Variants in CALN1 observed in about 807,000 individuals in gnomAD.
The protein encoded by CALN1 is calneuron 1.
In CALN1, 17 loss-of-function variants were observed where a neutral mutation model predicts 30.6. The observed-to-expected ratio is 0.56, with a 90% confidence interval of 0.38 to 0.83. CALN1 has a LOEUF of 0.83. Among genes scored for constraint, CALN1 ranks in the 40% least tolerant of loss-of-function variants. The pLI is 0.00. For synonymous variants in CALN1, 156 were observed against 131.4 expected (o/e 1.19, Z -1.28); for missense variants, 291 against 354.9 (o/e 0.82, Z 1.45).
rs371279418 is a variant in CALN1 at position 71,941,311 on chromosome 7, A to C, written c.501+82346T>G. Among the ~76,000 whole-genome samples the C allele has an allele frequency of 6.4e-4, 95 of 149,298 alleles. 1 individual carries two copies. The highest frequency in any genetic ancestry group is 2.2e-3 in the African/African-American group (91 of 40,610). ...GGTTGCAGTGAGCCTGGATCACACC[A>C]CTCCACTCCAGCCTGGGCGACAGAG... On this transcript the variant is annotated intron_variant, in intron 5 of 6. Transcript: ENST00000395275.
intron 5 of CALN1, among the ~76,000 whole-genome samples, chr7:71,918,851 A>T (rs1001719911): frequency 6.6e-6 from 1 of 152,172 alleles, no homozygotes; most frequent in Non-Finnish European, 1.5e-5. Context: ...AGACACTCCC[A>T]GACCTCCTCA....
At chr7:71,877,040 A>G (rs1278385677) in intron 5 of CALN1, among the ~76,000 whole-genome samples, 3 of 152,216 alleles carry the variant, frequency 2.0e-5, no homozygotes. Flanking sequence ...AAAACTGATG[A>G]AACCAGAAAT....
At chr7:71,790,374 AAGAAAGAAAGAAAG>A (rs1316913166) in intron 6 of CALN1, among the ~76,000 whole-genome samples, 8 of 44,874 alleles carry the variant, frequency 1.8e-4, no homozygotes, top group African/African-American at 5.5e-4. Context: ...AAAGAAAAGA[AAGAAAGAAAGAAAG>A]AAAGAAAGAA....
chr7:72,395,183 C>A (rs1366203559), intron 2 of CALN1, among the ~76,000 whole-genome samples: 1 of 152,160 alleles, frequency 6.6e-6, no homozygotes, highest in Admixed American at 6.5e-5. Context: ...ACCTGGCACA[C>A]CAATGGCACT....
intron 2 of CALN1, among the ~76,000 whole-genome samples, chr7:72,325,348 T>C (rs1324983620): frequency 2.6e-5 from 4 of 151,704 alleles, no homozygotes; most frequent in Non-Finnish European, 4.4e-5. Flanking sequence ...TGCCTGTAAT[T>C]CCAGCACTTT....
intron 2 of CALN1, among the ~76,000 whole-genome samples, chr7:72,399,584 G>T (rs2129561931): frequency 6.6e-6 from 1 of 152,128 alleles, no homozygotes; most frequent in African/African-American, 2.4e-5. Context: ...TATTGCTTTT[G>T]TTCCGTAAGT....
intron 2 of CALN1, among the ~76,000 whole-genome samples, chr7:72,401,908 A>AC (rs1267899659): frequency 6.6e-6 from 1 of 151,690 alleles, no homozygotes; most frequent in Non-Finnish European, 1.5e-5. Context: ...AACATGCCCC[A>AC]CCCCCTTTTC....
chr7:72,226,851 T>C (rs1426685137), intron 3 of CALN1, among the ~76,000 whole-genome samples: 1 of 152,074 alleles, frequency 6.6e-6, no homozygotes, highest in Non-Finnish European at 1.5e-5. Context: ...GAGACCAGCC[T>C]GGCCAACATG....
intron 2 of CALN1, among the ~76,000 whole-genome samples, chr7:72,330,220 G>A (rs891656347): frequency 2.6e-4 from 39 of 152,190 alleles, no homozygotes; most frequent in African/African-American, 8.9e-4. Context: ...TTGAACCTCA[G>A]AGGTGGAGGG....
intron 3 of CALN1, among the ~76,000 whole-genome samples, chr7:72,219,755 G>C (rs539574844): frequency 1.3e-5 from 2 of 151,272 alleles, no homozygotes; most frequent in African/African-American, 2.4e-5. Flanking sequence ...CACACACACA[G>C]AGGCAGCAGA....
chr7:72,097,449 G>T (rs2129540369), intron 4 of CALN1, among the ~76,000 whole-genome samples: 1 of 152,254 alleles, frequency 6.6e-6, no homozygotes, highest in East Asian at 1.9e-4. Flanking sequence ...GAGCTAAGGG[G>T]AACACACAGG....
At chr7:72,197,640 G>C (rs570123381) in intron 3 of CALN1, among the ~76,000 whole-genome samples, 12 of 152,142 alleles carry the variant, frequency 7.9e-5, no homozygotes, top group African/African-American at 2.9e-4. Flanking sequence ...GACCAGCCTA[G>C]ACAACAATGT....
chr7:72,125,947 G>A (rs146769834), intron 3 of CALN1, among the ~76,000 whole-genome samples: 1,986 of 151,896 alleles, frequency 0.013, 44 homozygotes, highest in African/African-American at 0.045. Flanking sequence ...TTATAGGCGC[G>A]TGCCACCACG....
At chr7:72,068,070 C>T (rs1485887629) in intron 4 of CALN1, among the ~76,000 whole-genome samples, 3 of 152,120 alleles carry the variant, frequency 2.0e-5, no homozygotes, top group Non-Finnish European at 2.9e-5. Context: ...TTTGTGCCCA[C>T]GTGTTAATGC....
At chr7:72,098,534 T>C (rs767629907) in intron 4 of CALN1, among the ~76,000 whole-genome samples, 1 of 151,878 alleles carries the variant, frequency 6.6e-6, no homozygotes, top group South Asian at 2.1e-4. Context: ...TGAGACTTCA[T>C]CTCTGCAAAG....
intron 2 of CALN1, among the ~76,000 whole-genome samples, chr7:72,290,067 G>A (rs150422349): frequency 0.012 from 1,120 of 94,146 alleles, 23 homozygotes; most frequent in African/African-American, 0.044. Flanking sequence ...AACAGAGAAC[G>A]AGACCCTGTC....
chr7:71,795,072 G>T (rs1786813463), intron 6 of CALN1, among the ~76,000 whole-genome samples: 2 of 147,896 alleles, frequency 1.4e-5, no homozygotes, highest in South Asian at 2.1e-4. Flanking sequence ...TGCCAGGCTG[G>T]AGTGCAGTGG....
chr7:71,941,831 G>A (rs1000025077), intron 5 of CALN1, among the ~76,000 whole-genome samples: 9 of 152,160 alleles, frequency 5.9e-5, no homozygotes, highest in Non-Finnish European at 1.2e-4. Context: ...GGGGCCATGA[G>A]TGAGAATGTT....
Position 72,271,575 on chromosome 7 carries a change from A to AAAATATATATATAT in CALN1, c.244+7110_244+7111insATATATATATATTT. Among the ~76,000 whole-genome samples, 249 of 52,110 alleles carry AAAATATATATATAT rather than the reference A, an allele frequency of 4.8e-3. 11 individuals carry two copies. The highest frequency in any genetic ancestry group is 0.042 in the East Asian group (42 of 1,010). The allele number at this position is 52,110 out of a possible 152,430, so 34.2% of individuals were successfully genotyped here. A position where few individuals can be genotyped will look rare whatever the true frequency, so the allele number is the denominator to read the frequency against. ...CTGTGCCTGCCTTTTAAAAAAAAAA[A>AAAATATATATATAT]ATATATATATATATATATAGTTTTC... On this transcript the variant is annotated intron_variant, in intron 3 of 6. Coordinates refer to ENST00000395275, the MANE Select transcript of CALN1 (RefSeq NM_031468.4).
Sources: allele counts gnomAD v4.1 joint callset (sites outside exome capture counted in the v4.1 genomes callset), GRCh38; gene constraint gnomAD v4.1.1; transcripts MANE v1.5; gene names NCBI Gene and HGNC (gene_info 2026-07-23, HGNC 2026-07-21).